Variants in PI4KA observed in about 807,000 individuals in gnomAD.
PI4KA encodes the protein phosphatidylinositol 4-kinase alpha, also known as PI4-kinase alpha.
Under a neutral mutation model 271.4 loss-of-function variants are expected in PI4KA, and 122 were observed. That is an observed-to-expected ratio of 0.45 (90% confidence interval 0.39 to 0.52). PI4KA has a LOEUF of 0.52. Among genes scored for constraint, PI4KA ranks in the 20% least tolerant of loss-of-function variants. The probability of loss-of-function intolerance (pLI) is 0.00; values close to 1 mark genes in which losing one functional copy is unlikely to be tolerated. For missense variants in PI4KA, 1,969 were observed against 2,769.1 expected, an observed-to-expected ratio of 0.71 and a Z score of 6.48; for synonymous variants, 1,041 against 1,078.8, an observed-to-expected ratio of 0.96 and a Z score of 0.69.
In PI4KA at chr22:20,718,421, A is replaced by C. The variant is rs551293606; in HGVS notation, c.5246+272T>G. Reference sequence around the variant, plus strand: ...ATTGTGGAGCCATGTGCTAAATTCCACAAACCTCAGGAATGAAACTAAGCT... The same window carrying C: ...ATTGTGGAGCCATGTGCTAAATTCCCCAAACCTCAGGAATGAAACTAAGCT... On this transcript the variant is annotated intron_variant, in intron 44 of 54. Coordinates refer to ENST00000255882, the MANE Select transcript of PI4KA (RefSeq NM_058004.4). 1.5e-4 allele frequency among the ~76,000 whole-genome samples: 23 copies of C among 152,310 alleles called. No individual in the cohort carries two copies. In the South Asian group the frequency reaches 4.8e-3, roughly 32 times the overall value.
chr22:20,805,606 G>A (rs1373202963), intron 10 of PI4KA, among the ~76,000 whole-genome samples: 1 of 152,076 alleles, frequency 6.6e-6, no homozygotes, highest in Non-Finnish European at 1.5e-5. Context: ...GCCGAGGCGG[G>A]CAGATCATGA....
At chr22:20,821,979 G>A (rs899186168) in intron 4 of PI4KA, among the ~76,000 whole-genome samples, 1 of 152,188 alleles carries the variant, frequency 6.6e-6, no homozygotes, top group Non-Finnish European at 1.5e-5. Context: ...GCAAAACCCT[G>A]TCTCTACAAA....
intron 19 of PI4KA, among the ~76,000 whole-genome samples, chr22:20,766,010 A>G (rs1932492893): frequency 6.6e-6 from 1 of 152,196 alleles, no homozygotes. Flanking sequence ...AGAAAGTGTC[A>G]TGGGTCTCAG....
At chr22:20,814,148 G>A (rs1234121404) in intron 7 of PI4KA, among the ~76,000 whole-genome samples, 1 of 149,950 alleles carries the variant, frequency 6.7e-6, no homozygotes, top group Admixed American at 6.8e-5. Context: ...GGGGTCCACA[G>A]GGCCTCAGAG....
chr22:20,835,134 T>G (rs1322307761), intron 2 of PI4KA, among the ~76,000 whole-genome samples: 2 of 148,548 alleles, frequency 1.3e-5, no homozygotes, highest in African/African-American at 2.4e-5. Flanking sequence ...TTCCTTGTGT[T>G]TTTTTTTTTT....
chr22:20,834,812 A>G (rs1036575588), intron 2 of PI4KA, among the ~76,000 whole-genome samples, 157 bp from the exon 3 acceptor site: 2 of 152,256 alleles, frequency 1.3e-5, no homozygotes, highest in Admixed American at 6.5e-5. Context: ...TTCACATGGC[A>G]TCACTCCATT....
intron 19 of PI4KA, among the ~76,000 whole-genome samples, chr22:20,767,450 A>T (rs1932636295): frequency 6.6e-6 from 1 of 151,934 alleles, no homozygotes; most frequent in Non-Finnish European, 1.5e-5. Flanking sequence ...TCTCAAAAAA[A>T]AAAAAAGTAT....
rs755416699 is a variant in PI4KA at position 20,761,389 on chromosome 22, A to G, written c.2709-3T>C. On this transcript the variant is annotated splice_polypyrimidine_tract_variant and splice_region_variant and intron_variant, in intron 22 of 54. Coordinates refer to ENST00000255882, the MANE Select transcript of PI4KA (RefSeq NM_058004.4). The stretch of plus-strand genomic sequence containing the variant: ...CAGGATCTGTTGAACGCAGTACCCT[A>G]AGAAGAAAACAGCTTTAAATAAATT... The G allele has an allele frequency of 1.1e-5, 17 of 1,602,048 alleles. No individual in the cohort carries two copies. Among genetic ancestry groups the G allele is most frequent in the Non-Finnish European group, 1.5e-5 (17 of 1,169,130 alleles).
chr22:20,781,529 T>G (rs1032269114), intron 19 of PI4KA, among the ~76,000 whole-genome samples: 3 of 152,270 alleles, frequency 2.0e-5, no homozygotes, highest in Admixed American at 6.5e-5. Context: ...CCTCCTGATC[T>G]GTCCACACAC....
chr22:20,849,489 A>T (rs938635941), intron 1 of PI4KA, among the ~76,000 whole-genome samples: 5 of 152,288 alleles, frequency 3.3e-5, no homozygotes, highest in Admixed American at 3.3e-4. Flanking sequence ...TATGCATACA[A>T]ATATTATTTA....
In PI4KA at chr22:20,796,323, G is replaced by A. The variant is rs997473242; in HGVS notation, c.2109-9C>T. On this transcript the variant is annotated splice_polypyrimidine_tract_variant and intron_variant, in intron 17 of 54. Coordinates refer to ENST00000255882, the MANE Select transcript of PI4KA (RefSeq NM_058004.4). ...CTGCCAGGGAGCAATGCCTGAAGAAGAAGGAGTGAAATAACAGCCACTGCC... is the reference window on the plus strand; with the variant it reads ...CTGCCAGGGAGCAATGCCTGAAGAAAAAGGAGTGAAATAACAGCCACTGCC... 1 of 1,610,262 alleles carries A rather than the reference G, an allele frequency of 6.2e-7. No individual in the cohort carries two copies. Among genetic ancestry groups the A allele is most frequent in the African/African-American group, 1.3e-5 (1 of 74,870 alleles).
rs1443622883 is a variant in PI4KA at position 20,712,616 on chromosome 22, G to C, written c.5677-5C>G. 1 of 1,579,652 alleles carries C rather than the reference G, an allele frequency of 6.3e-7. No individual in the cohort carries two copies. The highest frequency in any genetic ancestry group is 8.6e-7 in the Non-Finnish European group (1 of 1,162,830). On this transcript the variant is annotated splice_polypyrimidine_tract_variant and splice_region_variant and intron_variant, in intron 49 of 54. Transcript: ENST00000255882. ...GATGCACTCGATCACCCCGCACTAG[G>C]AGGAAAGGCCAGTTCTGAGGCCCGC...
chr22:20,802,538 T>C (rs1160559032), intron 13 of PI4KA, among the ~76,000 whole-genome samples: 1 of 152,086 alleles, frequency 6.6e-6, no homozygotes, highest in Non-Finnish European at 1.5e-5. Flanking sequence ...GGAAGTCTTG[T>C]TTTTTGTTTG....
chr22:20,746,472 A>C (rs1325591963), intron 29 of PI4KA, among the ~76,000 whole-genome samples: 3 of 152,254 alleles, frequency 2.0e-5, no homozygotes, highest in African/African-American at 7.2e-5. Flanking sequence ...ATCTTTCACA[A>C]GTCAGCTGGC....
chr22:20,819,644 A>T lies in PI4KA; in HGVS notation c.786T>A (p.Ser262=). The T allele has an allele frequency of 6.2e-7, 1 of 1,613,320 alleles. No homozygotes were observed. The highest frequency in any genetic ancestry group is 8.5e-7 in the Non-Finnish European group (1 of 1,179,404). Residue 262 remains serine, a synonymous_variant, in exon 6 of 55, where the codon TCT becomes TCA. Transcript: ENST00000255882. The stretch of plus-strand genomic sequence containing the variant: ...TTCCCCAGTAGCCCAGGCCCACCTG[A>T]GAGATGCTGGACACACTGCTGGTTT... ...KRKTSSVSSI[S]QVSPERGMPP...
chr22:20,766,288 G>C (rs1932515895), intron 19 of PI4KA, among the ~76,000 whole-genome samples: 1 of 152,136 alleles, frequency 6.6e-6, no homozygotes, highest in South Asian at 2.1e-4. Flanking sequence ...AGAGTTGCTT[G>C]GGTGCAGGTG....
rs754161365 is a variant in PI4KA, at chr22:20,713,261, C to G, written c.5571+20G>C. Reference sequence around the variant, plus strand: ...AGCAAGCCCAGTCCCCAAGCCTACTCGAGGCCTGACCCTGCTTACCTGCCG... The same window carrying G: ...AGCAAGCCCAGTCCCCAAGCCTACTGGAGGCCTGACCCTGCTTACCTGCCG... On this transcript the variant is annotated intron_variant, in intron 48 of 54. Transcript: ENST00000255882. 2 of 1,522,378 alleles carry G rather than the reference C, an allele frequency of 1.3e-6. No homozygotes were observed. The highest frequency in any genetic ancestry group is 1.8e-6 in the Non-Finnish European group (2 of 1,117,454). The allele number at this position is 1,522,378 out of a possible 1,614,324, so 94.3% of individuals were successfully genotyped here.
At chr22:20,783,513 A>AG (rs1347454380) in intron 19 of PI4KA, among the ~76,000 whole-genome samples, 1 of 150,948 alleles carries the variant, frequency 6.6e-6, no homozygotes, top group Non-Finnish European at 1.5e-5. Context: ...CTGGGGAGGG[A>AG]GGCTGAGGCA....
chr22:20,857,427 C>A (rs1193789564), intron 1 of PI4KA, among the ~76,000 whole-genome samples: 3 of 152,232 alleles, frequency 2.0e-5, no homozygotes, highest in Non-Finnish European at 2.9e-5. Flanking sequence ...CTAAAACAGC[C>A]TTTCAGCTTC....
Sources: allele counts gnomAD v4.1 joint callset (sites outside exome capture counted in the v4.1 genomes callset), GRCh38; gene constraint gnomAD v4.1.1; transcripts MANE v1.5; gene names NCBI Gene and HGNC (gene_info 2026-07-23, HGNC 2026-07-21).